NFKB1: variants seen among roughly 807,000 people sequenced by gnomAD.
NFKB1 encodes nuclear factor kappa B subunit 1.
NFKB1 carries 9 observed loss-of-function variants against 105.1 expected under a neutral mutation model. That is an observed-to-expected ratio of 0.09 (90% CI 0.05 to 0.15). The LOEUF is 0.15. Ranked by LOEUF, NFKB1 falls within the 10% of genes least tolerant of loss-of-function variation. The pLI, the probability that NFKB1 is intolerant of heterozygous loss-of-function variation, is 1.00. For missense variants in NFKB1, 830 were observed against 1,203.7 expected (o/e 0.69, Z 4.59); for synonymous variants, 440 against 442.2 (o/e 1.00, Z 0.06).
At chr4:102,543,050 G>A (rs753978885) in intron 5 of NFKB1, among the ~76,000 whole-genome samples, 2 of 151,992 alleles carry the variant, frequency 1.3e-5, no homozygotes, top group African/African-American at 2.4e-5. Context: ...CTCCTAATAG[G>A]AGAGGCTGGC....
chr4:102,604,089 C>T lies in NFKB1; in HGVS notation c.1753-2407C>T, dbSNP rs572212723. Among the ~76,000 whole-genome samples the T allele has an allele frequency of 9.9e-5, 15 of 152,182 alleles. No homozygotes were observed. In the South Asian group the frequency reaches 3.1e-3, roughly 32 times the overall value. On this transcript the variant is annotated intron_variant, in intron 16 of 23. Coordinates refer to ENST00000226574, the MANE Select transcript of NFKB1 (RefSeq NM_003998.4). ...TTTAAAAATGGTACAGAAGAATCTA[C>T]ATTGGAAAGTCAAAGTTGCCCACCC...
chr4:102,610,910 C>G (rs56231707), intron 20 of NFKB1, among the ~76,000 whole-genome samples: 2 of 152,114 alleles, frequency 1.3e-5, no homozygotes, highest in Non-Finnish European at 2.9e-5. Flanking sequence ...AAGTGTATGC[C>G]TAATCAGATC....
chr4:102,573,511 A>G (rs925654724), intron 6 of NFKB1, among the ~76,000 whole-genome samples: 26 of 152,066 alleles, frequency 1.7e-4, no homozygotes, highest in African/African-American at 6.3e-4. Context: ...TTATATGGAT[A>G]TTAGCATAGT....
intron 5 of NFKB1, among the ~76,000 whole-genome samples, chr4:102,553,300 A>C (rs1213059509): frequency 6.6e-6 from 1 of 152,184 alleles, no homozygotes; most frequent in Non-Finnish European, 1.5e-5. Context: ...TTTTCTAAGC[A>C]AGAAAAATAC....
chr4:102,602,640 T>A (rs1459025693), intron 16 of NFKB1, among the ~76,000 whole-genome samples: 2 of 152,014 alleles, frequency 1.3e-5, no homozygotes, highest in African/African-American at 4.8e-5. Context: ...TAGGTAAAAA[T>A]TAATAGGTTT....
At chr4:102,597,746 A>G (rs1726756420) in intron 15 of NFKB1, 85 bp downstream of exon 15, 1 of 1,439,956 alleles carries the variant, frequency 6.9e-7, no homozygotes, top group Non-Finnish European at 9.4e-7. Context: ...AGAGATAAAA[A>G]TAATTGTTCA....
chr4:102,614,139 C>T (rs1218125433), intron 23 of NFKB1, among the ~76,000 whole-genome samples: 1 of 152,198 alleles, frequency 6.6e-6, no homozygotes, highest in Non-Finnish European at 1.5e-5. Context: ...TCATGCAACA[C>T]CCTTGCTTCA....
intron 5 of NFKB1, among the ~76,000 whole-genome samples, chr4:102,563,687 A>T (rs1723616978): frequency 6.6e-6 from 1 of 152,154 alleles, no homozygotes; most frequent in African/African-American, 2.4e-5. Flanking sequence ...AAGTCACACA[A>T]CCAGGAAATG....
At chr4:102,606,473 T>A (rs762921616) in intron 16 of NFKB1, 23 bp from the exon 17 acceptor site, 1 of 1,610,822 alleles carries the variant, frequency 6.2e-7, no homozygotes, top group Non-Finnish European at 8.5e-7. Context: ...GACCAGTGAA[T>A]CTCCTGCCCT....
At chr4:102,599,172 G>A (rs1465047240) in intron 15 of NFKB1, among the ~76,000 whole-genome samples, 9 of 152,118 alleles carry the variant, frequency 5.9e-5, no homozygotes, top group South Asian at 4.1e-4. Flanking sequence ...AATGCTGAGC[G>A]GCACATGGAA....
intron 1 of NFKB1, among the ~76,000 whole-genome samples, chr4:102,516,055 C>A (rs763741915): frequency 2.0e-5 from 3 of 151,962 alleles, no homozygotes; most frequent in Non-Finnish European, 4.4e-5. Flanking sequence ...TGTAAAGGTG[C>A]CTTTACATTG....
intron 11 of NFKB1, among the ~76,000 whole-genome samples, chr4:102,585,862 TAAAG>T (rs1725669223): frequency 2.0e-5 from 3 of 151,902 alleles, no homozygotes; most frequent in Admixed American, 2.0e-4. Flanking sequence ...TTGAGGAGCT[TAAAG>T]AGAGAGGTAA....
At chr4:102,607,378 T>C (rs1727868142) in intron 18 of NFKB1, 59 bp downstream of exon 18, 1 of 1,569,210 alleles carries the variant, frequency 6.4e-7, no homozygotes, top group African/African-American at 1.4e-5. Context: ...TAAGGAAATC[T>C]TTTCAAAGAA....
intron 13 of NFKB1, 120 bp downstream of exon 13, chr4:102,595,101 C>A (rs1726497836): frequency 1.7e-6 from 1 of 592,802 alleles, no homozygotes; most frequent in Non-Finnish European, 3.0e-6. Flanking sequence ...TTGATGAATG[C>A]AAATAAACTA....
chr4:102,530,791 C>G, intron 3 of NFKB1, among the ~76,000 whole-genome samples: 1 of 152,194 alleles, frequency 6.6e-6, no homozygotes, highest in African/African-American at 2.4e-5. Context: ...GATCAGAAAA[C>G]TTTTTCTGCA....
intron 15 of NFKB1, among the ~76,000 whole-genome samples, chr4:102,598,240 G>A (rs4648075): frequency 0.026 from 3,935 of 152,188 alleles, 65 homozygotes; most frequent in Middle Eastern, 0.088. Context: ...TTCCATTCTT[G>A]CTATTACTGA....
At chr4:102,558,374 A>G (rs149964218) in intron 5 of NFKB1, among the ~76,000 whole-genome samples, 1,850 of 152,262 alleles carry the variant, frequency 0.012, 42 homozygotes, top group African/African-American at 0.043. Flanking sequence ...TGCAAAGGAC[A>G]TGATCTTGTT....
At chr4:102,512,172 A>T (rs1021764640) in intron 1 of NFKB1, among the ~76,000 whole-genome samples, 2 of 152,242 alleles carry the variant, frequency 1.3e-5, no homozygotes, top group Non-Finnish European at 2.9e-5. Flanking sequence ...CTTATTACTT[A>T]TGAATGTAAA....
intron 11 of NFKB1, among the ~76,000 whole-genome samples, chr4:102,587,481 T>C (rs1295494396): frequency 6.6e-6 from 1 of 151,996 alleles, no homozygotes; most frequent in Non-Finnish European, 1.5e-5. Flanking sequence ...CCTGTCTCCC[T>C]TTCCCAGTGG....
Sources: gnomAD v4.1 joint callset for allele counts (sites outside exome capture counted in the v4.1 genomes callset) on GRCh38, gnomAD v4.1.1 for gene constraint, MANE v1.5 for transcripts, NCBI Gene and HGNC (gene_info 2026-07-23, HGNC 2026-07-21) for gene names.